Variants in SCAF4 observed in about 807,000 individuals in gnomAD.
The protein encoded by SCAF4 is SR-related CTD associated factor 4, also known as SR-related and CTD-associated factor 4.
Under a neutral mutation model 129.8 loss-of-function variants are expected in SCAF4, and 25 were observed. The observed-to-expected ratio is 0.19, with a 90% CI of 0.14 to 0.27. SCAF4 has a LOEUF of 0.27. SCAF4 is among the 10% of genes least tolerant of loss of function. The probability of loss-of-function intolerance (pLI) is 1.00; values close to 1 mark genes in which losing one functional copy is unlikely to be tolerated. For missense variants in SCAF4, 1,246 were observed against 1,457.1 expected (o/e 0.86, Z 2.36); for synonymous variants, 551 against 497.7 (o/e 1.11, Z -1.43).
At chr21:31,690,167 A>G (rs1442740961) in intron 15 of SCAF4, among the ~76,000 whole-genome samples, 1 of 152,118 alleles carries the variant, frequency 6.6e-6, no homozygotes, top group East Asian at 1.9e-4. Context: ...TTTCCAAGGT[A>G]ATTATCATGA....
intron 1 of SCAF4, among the ~76,000 whole-genome samples, chr21:31,710,410 G>A (rs2050772152): frequency 6.6e-6 from 1 of 152,166 alleles, no homozygotes; most frequent in South Asian, 2.1e-4. Context: ...TTAACTGGGT[G>A]TGGTGGCATG....
rs1485042970 is a variant in SCAF4, at chr21:31,696,358, A to T, written c.960-137T>A. 6.9e-6 allele frequency: 5 copies of T among 728,262 alleles called. No individual in the cohort carries two copies. The African/African-American group carries it at 8.9e-5, about 13-fold the overall frequency. 45.1% of individuals were successfully genotyped at this position (728,262 alleles called of 1,614,324 possible). ...TATATTTACCTATATATTAAATTTA[A>T]TTTATAAACTCAGTATTATTCCCAA... On this transcript the variant is annotated intron_variant, in intron 8 of 19. Coordinates refer to ENST00000286835, the MANE Select transcript of SCAF4 (RefSeq NM_020706.2).
chr21:31,690,121 C>A (rs1028683459), intron 15 of SCAF4, among the ~76,000 whole-genome samples: 1 of 152,142 alleles, frequency 6.6e-6, no homozygotes, highest in Non-Finnish European at 1.5e-5. Context: ...TTGTCTTACA[C>A]GTTTACTTTA....
At chr21:31,686,859 G>A (rs1329328425) in intron 16 of SCAF4, among the ~76,000 whole-genome samples, 1 of 152,180 alleles carries the variant, frequency 6.6e-6, no homozygotes, top group Non-Finnish European at 1.5e-5. Flanking sequence ...GCTTTATCCT[G>A]AAACCATCTT....
chr21:31,695,353 C>T (rs999440606), intron 9 of SCAF4, among the ~76,000 whole-genome samples: 5 of 151,922 alleles, frequency 3.3e-5, no homozygotes, highest in African/African-American at 7.3e-5. Context: ...GGAAAACTGG[C>T]TATCTAGAAG....
Position 31,701,926 on chromosome 21 carries a change from A to G in SCAF4, c.458-8T>C, listed in dbSNP as rs1351846176. 1 of 1,613,412 alleles carries G rather than the reference A, an allele frequency of 6.2e-7. No homozygotes were observed. The highest frequency in any genetic ancestry group is 2.2e-5 in the East Asian group (1 of 44,878). Reference sequence around the variant, plus strand: ...CTGGAGGTGGAGGTGAGCCTAAAAAAGAAAAGGGCATTAAGGCCTAAAAAA... The same window carrying G: ...CTGGAGGTGGAGGTGAGCCTAAAAAGGAAAAGGGCATTAAGGCCTAAAAAA... On this transcript the variant is annotated splice_polypyrimidine_tract_variant and splice_region_variant and intron_variant, in intron 5 of 19. Transcript: ENST00000286835.
intron 1 of SCAF4, among the ~76,000 whole-genome samples, chr21:31,728,752 C>G (rs1010153528): frequency 2.6e-5 from 4 of 152,114 alleles, no homozygotes; most frequent in Non-Finnish European, 5.9e-5. Context: ...TCCTGGATGT[C>G]TCCCTCTATC....
intron 19 of SCAF4, among the ~76,000 whole-genome samples, chr21:31,676,892 A>T (rs1366867351): frequency 6.6e-6 from 1 of 151,916 alleles, no homozygotes; most frequent in East Asian, 1.9e-4. Flanking sequence ...GCAACCACAT[A>T]ATGTTTTCTG....
chr21:31,718,300 T>C (rs1568862842), intron 1 of SCAF4, among the ~76,000 whole-genome samples: 2 of 152,230 alleles, frequency 1.3e-5, no homozygotes, highest in East Asian at 1.9e-4. Flanking sequence ...ATTATTGATA[T>C]ACAGCTTACT....
At chr21:31,724,677 CACAGA>C (rs763037568) in intron 1 of SCAF4, among the ~76,000 whole-genome samples, 31 of 152,218 alleles carry the variant, frequency 2.0e-4, no homozygotes, top group Non-Finnish European at 1.9e-4. Context: ...TGCCCCATGA[CACAGA>C]ACAACCTACA....
chr21:31,699,203 G>A (rs181260609), intron 7 of SCAF4, among the ~76,000 whole-genome samples: 2 of 152,208 alleles, frequency 1.3e-5, no homozygotes, highest in Admixed American at 1.3e-4. Context: ...AGTAGTGAGG[G>A]AGAACTGGCT....
At chr21:31,692,284 C>G (rs1018258608) in intron 13 of SCAF4, 65 bp downstream of exon 13, 12 of 1,293,124 alleles carry the variant, frequency 9.3e-6, no homozygotes, top group Non-Finnish European at 1.3e-5. Context: ...CTCAGGTCCT[C>G]CATTTCATAA....
chr21:31,711,731 G>T (rs557161169), intron 1 of SCAF4, among the ~76,000 whole-genome samples: 16 of 152,262 alleles, frequency 1.1e-4, no homozygotes, highest in African/African-American at 3.9e-4. Flanking sequence ...GCTATGTTAA[G>T]TGGGGAAAAA....
intron 19 of SCAF4, 30 bp downstream of exon 19, chr21:31,685,019 G>T: frequency 7.8e-7 from 1 of 1,286,524 alleles, no homozygotes; most frequent in Non-Finnish European, 1.1e-6. Context: ...GTGGGGCAAG[G>T]AAAACTAATG....
At chr21:31,719,221 T>C (rs2123668951) in intron 1 of SCAF4, among the ~76,000 whole-genome samples, 1 of 151,874 alleles carries the variant, frequency 6.6e-6, no homozygotes, top group African/African-American at 2.4e-5. Context: ...ACCCTAGAGG[T>C]GGAGATTGCG....
At chr21:31,696,876 C>G in intron 7 of SCAF4, 126 bp from the exon 8 acceptor site, 2 of 763,776 alleles carry the variant, frequency 2.6e-6, no homozygotes, top group Non-Finnish European at 4.1e-6. Flanking sequence ...ATCTTATTTT[C>G]CCTTATGCCC....
chr21:31,687,318 T>TTA (rs1449399839), intron 16 of SCAF4, among the ~76,000 whole-genome samples: 2 of 152,160 alleles, frequency 1.3e-5, no homozygotes, highest in African/African-American at 4.8e-5. Flanking sequence ...TTAACATATA[T>TTA]TATCTCATTT....
intron 13 of SCAF4, 72 bp from the exon 14 acceptor site, chr21:31,692,002 C>A: frequency 2.7e-6 from 2 of 743,352 alleles, no homozygotes; most frequent in Non-Finnish European, 2.2e-6. Flanking sequence ...ACCAAGTAAG[C>A]AGTTCCAACA....
chr21:31,723,790 C>T (rs67038483), intron 1 of SCAF4, among the ~76,000 whole-genome samples: 11,149 of 152,128 alleles, frequency 0.073, 562 homozygotes, highest in African/African-American at 0.14. Flanking sequence ...CACTGCTCTC[C>T]GGTCTCTTCC....
Sources: allele counts gnomAD v4.1 joint callset (sites outside exome capture counted in the v4.1 genomes callset), GRCh38; gene constraint gnomAD v4.1.1; transcripts MANE v1.5; gene names NCBI Gene and HGNC (gene_info 2026-07-23, HGNC 2026-07-21).